Variants in FHIP2A observed in about 807,000 individuals in gnomAD.
FHIP2A encodes family with sequence similarity 160 member B1.
FHIP2A carries 46 observed loss-of-function variants against 93.5 expected under a neutral mutation model. That is an observed-to-expected ratio of 0.49 (90% CI 0.39 to 0.63). The LOEUF is 0.63. Ranked by LOEUF, FHIP2A falls within the 20% of genes least tolerant of loss-of-function variation. FHIP2A has a pLI of 0.00. For missense variants in FHIP2A, 769 were observed against 909.7 expected (o/e 0.85, Z 1.99); for synonymous variants, 332 against 326.5 (o/e 1.02, Z -0.18).
chr10:114,893,178 C>A (rs1469918845), intron 16 of FHIP2A, among the ~76,000 whole-genome samples: 1 of 152,078 alleles, frequency 6.6e-6, no homozygotes, highest in Non-Finnish European at 1.5e-5. Context: ...GTCTCTGGAG[C>A]ATTATTTATA....
At position 114,822,033 on chromosome 10, in the gene FHIP2A, G is replaced by A. The variant is rs539425596; in HGVS notation, c.-46G>A. The A allele has an allele frequency of 6.6e-6, 8 of 1,218,866 alleles. No individual in the cohort carries two copies. The highest frequency in any genetic ancestry group is 7.4e-6 in the Non-Finnish European group (7 of 952,276). The allele number at this position is 1,218,866 out of a possible 1,614,324, so 75.5% of individuals were successfully genotyped here. On this transcript the variant is annotated 5_prime_UTR_variant, in exon 1 of 17. Coordinates refer to ENST00000369248, the MANE Select transcript of FHIP2A (RefSeq NM_020940.4). ...AGGGGCGGCGGCGGCGGATCGAGGA[G>A]CTCTCCAGGTCGTCCCGGGAGAGGC...
intron 12 of FHIP2A, among the ~76,000 whole-genome samples, chr10:114,848,140 T>A (rs2083713114): frequency 6.6e-6 from 1 of 152,214 alleles, no homozygotes; most frequent in African/African-American, 2.4e-5. Context: ...GGCAATTTTT[T>A]TTCTCTCTTT....
At chr10:114,868,468 A>T (rs2083841424), downstream of FHIP2A, among the ~76,000 whole-genome samples, 2 of 152,182 alleles carry the variant, frequency 1.3e-5, no homozygotes, top group African/African-American at 4.8e-5. Context: ...TCATGAAACC[A>T]GTCCCTGGTG....
intron 5 of FHIP2A, among the ~76,000 whole-genome samples, chr10:114,838,361 A>G (rs887478203): frequency 1.3e-5 from 2 of 152,096 alleles, no homozygotes; most frequent in Admixed American, 6.6e-5. Context: ...AGGACTACGC[A>G]TGCCCTTAAC....
At chr10:114,836,313 T>C (rs891844328) in intron 5 of FHIP2A, 67 bp downstream of exon 5, 1 of 1,220,058 alleles carries the variant, frequency 8.2e-7, no homozygotes, top group Non-Finnish European at 1.1e-6. Flanking sequence ...AATTGAATTA[T>C]GTGAATAATA....
chr10:114,858,191 AC>A (rs2083778102), intron 14 of FHIP2A, among the ~76,000 whole-genome samples: 1 of 152,258 alleles, frequency 6.6e-6, no homozygotes, highest in Non-Finnish European at 1.5e-5. Flanking sequence ...AGATATAAAC[AC>A]TTAACTACCA....
intron 16 of FHIP2A, among the ~76,000 whole-genome samples, chr10:114,884,204 G>A (rs2083930678): frequency 6.6e-6 from 1 of 152,116 alleles, no homozygotes; most frequent in Non-Finnish European, 1.5e-5. Flanking sequence ...TGAGGGAGAT[G>A]GGATGTGTAT....
In FHIP2A at chr10:114,846,258, T is replaced by C. The variant is rs1452956666; in HGVS notation, c.1289T>C (p.Met430Thr). ...QVTSDVLLQE[M>T]VFFILGEQRE... Reference sequence around the variant, plus strand: ...ACCTCTGATGTTTTGCTTCAAGAAATGGTGTTTTTTATCCTTGGAGAACAG... The same window carrying C: ...ACCTCTGATGTTTTGCTTCAAGAAACGGTGTTTTTTATCCTTGGAGAACAG... The change falls in exon 10 of 17, where the codon ATG (methionine) becomes ACG (threonine). Residue 430 changes from methionine (M) to threonine (T), a missense_variant. Coordinates refer to ENST00000369248, the MANE Select transcript of FHIP2A (RefSeq NM_020940.4). 1.2e-6 allele frequency: 2 copies of C among 1,614,170 alleles called. No homozygotes were observed. Among genetic ancestry groups the C allele is most frequent in the Admixed American group, 3.3e-5 (2 of 60,022 alleles).
chr10:114,865,970 T>C (rs1443964566), downstream of FHIP2A, among the ~76,000 whole-genome samples: 1 of 152,192 alleles, frequency 6.6e-6, no homozygotes, highest in Non-Finnish European at 1.5e-5. Context: ...TTTGTTTGTT[T>C]TTTTTAATTT....
intron 16 of FHIP2A, among the ~76,000 whole-genome samples, chr10:114,888,616 T>G (rs2083954710): frequency 6.6e-6 from 1 of 152,144 alleles, no homozygotes; most frequent in Non-Finnish European, 1.5e-5. Context: ...TTCTTTTTCT[T>G]TTTTGAGACA....
intron 4 of FHIP2A, 23 bp from the exon 5 acceptor site, chr10:114,836,101 G>A: frequency 1.3e-6 from 2 of 1,535,648 alleles, no homozygotes; most frequent in African/African-American, 1.4e-5. Context: ...AGTTTAAAAA[G>A]TTAAAAACAA....
chr10:114,851,330 T>C (rs1355867805), intron 13 of FHIP2A, among the ~76,000 whole-genome samples: 3 of 152,222 alleles, frequency 2.0e-5, no homozygotes. Flanking sequence ...TAAGTCTCTT[T>C]CTAAGAGTTT....
At chr10:114,829,992 T>C (rs1433254365) in intron 1 of FHIP2A, among the ~76,000 whole-genome samples, 3 of 152,152 alleles carry the variant, frequency 2.0e-5, no homozygotes. Flanking sequence ...CAAGTAGTTA[T>C]TTTGCTAAAA....
At chr10:114,887,558 G>C (rs1410762289) in intron 16 of FHIP2A, among the ~76,000 whole-genome samples, 2 of 152,234 alleles carry the variant, frequency 1.3e-5, no homozygotes, top group Non-Finnish European at 2.9e-5. Context: ...ACCCTAGGCA[G>C]TGTGGCTGTG....
intron 16 of FHIP2A, among the ~76,000 whole-genome samples, chr10:114,896,544 T>C (rs1252523394): frequency 6.6e-6 from 1 of 152,222 alleles, no homozygotes; most frequent in Non-Finnish European, 1.5e-5. Context: ...CTGAGATAGA[T>C]GCATATCTGA....
intron 14 of FHIP2A, among the ~76,000 whole-genome samples, chr10:114,860,084 C>T (rs2083788763): frequency 6.6e-6 from 1 of 152,156 alleles, no homozygotes; most frequent in African/African-American, 2.4e-5. Flanking sequence ...TGGTCTTATG[C>T]TCAATGGGTC....
intron 16 of FHIP2A, among the ~76,000 whole-genome samples, chr10:114,882,718 C>CA (rs34638712): frequency 1.3e-5 from 2 of 151,856 alleles, no homozygotes; most frequent in Non-Finnish European, 2.9e-5. Flanking sequence ...ACTAAAAATA[C>CA]AAAAAAATTA....
chr10:114,861,693 C>T lies in FHIP2A; in HGVS notation c.*153C>T. The T allele has an allele frequency of 7.1e-7, 1 of 1,414,010 alleles. No homozygotes were observed. Among genetic ancestry groups the T allele is most frequent in the South Asian group, 1.5e-5 (1 of 64,812 alleles). 87.6% of individuals were successfully genotyped at this position (1,414,010 alleles called of 1,614,324 possible). On this transcript the variant is annotated 3_prime_UTR_variant, in exon 17 of 17. Coordinates refer to ENST00000369248, the MANE Select transcript of FHIP2A (RefSeq NM_020940.4). Reference sequence around the variant, plus strand: ...AACCATTAAGAACCTATTGAGTGGACATTCTTGGTGAAATGTTGTATAATG... The same window carrying T: ...AACCATTAAGAACCTATTGAGTGGATATTCTTGGTGAAATGTTGTATAATG...
intron 1 of FHIP2A, among the ~76,000 whole-genome samples, chr10:114,824,386 A>G (rs183122422): frequency 6.6e-6 from 1 of 152,310 alleles, no homozygotes; most frequent in Admixed American, 6.5e-5. Flanking sequence ...CCTGCTCTGT[A>G]ATATCCTTAG....
Sources: gnomAD v4.1 joint callset for allele counts (sites outside exome capture counted in the v4.1 genomes callset) on GRCh38, gnomAD v4.1.1 for gene constraint, MANE v1.5 for transcripts, NCBI Gene and HGNC (gene_info 2026-07-23, HGNC 2026-07-21) for gene names.